Variants in PTPRD observed in about 807,000 individuals in gnomAD.
The protein encoded by PTPRD is protein tyrosine phosphatase receptor type D.
PTPRD carries 34 observed loss-of-function variants against 214.5 expected under a neutral mutation model. The observed-to-expected ratio is 0.16, with a 90% CI of 0.12 to 0.21. The LOEUF is 0.21. Ranked by LOEUF, PTPRD falls within the 10% of genes least tolerant of loss-of-function variation. The pLI is 1.00. For missense variants in PTPRD, 2,545 were observed against 2,398.7 expected, an observed-to-expected ratio of 1.06 and a Z score of -1.27; for synonymous variants, 1,128 against 845.7, an observed-to-expected ratio of 1.33 and a Z score of -5.79.
intron 11 of PTPRD, among the ~76,000 whole-genome samples, chr9:8,994,130 C>T (rs569669014): frequency 2.6e-5 from 4 of 152,218 alleles, no homozygotes; most frequent in African/African-American, 7.2e-5. Context: ...GTTCAATGAA[C>T]TTAAGGATCT....
chr9:9,746,311 T>G (rs578251666), intron 6 of PTPRD, among the ~76,000 whole-genome samples: 2 of 152,206 alleles, frequency 1.3e-5, no homozygotes, highest in Admixed American at 6.5e-5. Context: ...ATTACTAGAT[T>G]GGAAAGTTAC....
intron 14 of PTPRD, among the ~76,000 whole-genome samples, chr9:8,629,016 G>C (rs2096152292): frequency 1.3e-5 from 2 of 151,678 alleles, no homozygotes; most frequent in Non-Finnish European, 2.9e-5. Flanking sequence ...TGCTATTTGA[G>C]AACAGCCCAG....
At chr9:10,581,961 T>A (rs2072017375) in intron 2 of PTPRD, among the ~76,000 whole-genome samples, 1 of 152,172 alleles carries the variant, frequency 6.6e-6, no homozygotes, top group Non-Finnish European at 1.5e-5. Flanking sequence ...AACAATAACC[T>A]AGAATTAAGC....
chr9:9,214,407 C>T (rs1190154782), intron 9 of PTPRD, among the ~76,000 whole-genome samples: 1 of 152,110 alleles, frequency 6.6e-6, no homozygotes, highest in Non-Finnish European at 1.5e-5. Context: ...TGTTTTAGTC[C>T]ACTAACTCGG....
intron 39 of PTPRD, among the ~76,000 whole-genome samples, chr9:8,363,708 G>A (rs2079076191): frequency 6.6e-6 from 1 of 152,188 alleles, no homozygotes. Flanking sequence ...TCCTATTGGG[G>A]CTCAAAAGTT....
At chr9:9,364,397 G>C (rs1011745937) in intron 9 of PTPRD, among the ~76,000 whole-genome samples, 1 of 151,424 alleles carries the variant, frequency 6.6e-6, no homozygotes, top group Non-Finnish European at 1.5e-5. Flanking sequence ...GTCAGATATT[G>C]GTGAGTGTTG....
At chr9:9,860,926 AG>A (rs2062604862) in intron 5 of PTPRD, among the ~76,000 whole-genome samples, 1 of 152,268 alleles carries the variant, frequency 6.6e-6, no homozygotes, top group African/African-American at 2.4e-5. Context: ...GCAACTCTTA[AG>A]AAAAATGCAG....
intron 10 of PTPRD, among the ~76,000 whole-genome samples, chr9:9,064,646 A>G (rs911191721): frequency 6.6e-6 from 1 of 152,214 alleles, no homozygotes; most frequent in African/African-American, 2.4e-5. Flanking sequence ...TTCTTTAAAG[A>G]TGACTGAGAC....
intron 8 of PTPRD, among the ~76,000 whole-genome samples, chr9:9,520,301 TAA>T (rs1162144464): frequency 9.1e-6 from 1 of 110,494 alleles, no homozygotes; most frequent in Non-Finnish European, 2.2e-5. Context: ...ATATATATAT[TAA>T]GTTATATATA....
chr9:9,032,877 T>C (rs2099610081), intron 10 of PTPRD, among the ~76,000 whole-genome samples: 1 of 152,130 alleles, frequency 6.6e-6, no homozygotes, highest in Non-Finnish European at 1.5e-5. Flanking sequence ...ACAAATATCT[T>C]GGCGTCTTCC....
intron 4 of PTPRD, among the ~76,000 whole-genome samples, chr9:9,961,991 AAG>A (rs200248351): frequency 0.017 from 2,650 of 152,300 alleles, 33 homozygotes; most frequent in Middle Eastern, 0.031. Context: ...TAAGGAAAAA[AAG>A]AATTTCATAG....
chr9:9,015,986 G>T (rs2099533427), intron 11 of PTPRD, among the ~76,000 whole-genome samples: 1 of 152,090 alleles, frequency 6.6e-6, no homozygotes, highest in South Asian at 2.1e-4. Flanking sequence ...GAATGCAGAA[G>T]AATTGGGCCT....
intron 8 of PTPRD, among the ~76,000 whole-genome samples, chr9:9,426,678 C>T (rs1036920669): frequency 3.3e-5 from 5 of 152,170 alleles, no homozygotes; most frequent in African/African-American, 1.2e-4. Flanking sequence ...ACTGACACCT[C>T]ATCTGGCTGG....
intron 5 of PTPRD, among the ~76,000 whole-genome samples, chr9:9,855,246 T>TA (rs1565792207): frequency 6.6e-6 from 1 of 152,148 alleles, no homozygotes; most frequent in Non-Finnish European, 1.5e-5. Context: ...GAAGGAAATT[T>TA]AAAAAAGGAA....
At chr9:8,836,071 G>C (rs1348803463) in intron 11 of PTPRD, among the ~76,000 whole-genome samples, 1 of 152,102 alleles carries the variant, frequency 6.6e-6, no homozygotes, top group African/African-American at 2.4e-5. Context: ...ATAAATTTCA[G>C]AGCAACATCG....
intron 3 of PTPRD, among the ~76,000 whole-genome samples, chr9:10,230,494 A>T (rs980235657): frequency 1.4e-5 from 2 of 144,184 alleles, no homozygotes; most frequent in African/African-American, 5.1e-5. Flanking sequence ...CTACCTATCC[A>T]TCTATTATCT....
intron 33 of PTPRD, 120 bp from the exon 34 acceptor site, chr9:8,449,957 A>G: frequency 1.1e-6 from 1 of 938,742 alleles, no homozygotes; most frequent in Non-Finnish European, 1.6e-6. Flanking sequence ...CAACTTTTCA[A>G]CCCAGCTGAC....
At chr9:10,498,105 T>A (rs775094287) in intron 2 of PTPRD, among the ~76,000 whole-genome samples, 18 of 151,996 alleles carry the variant, frequency 1.2e-4, no homozygotes, top group Non-Finnish European at 2.1e-4. Flanking sequence ...ATATTACAAT[T>A]AACATTCAGC....
intron 11 of PTPRD, among the ~76,000 whole-genome samples, chr9:8,851,096 C>T (rs1419806742): frequency 2.0e-5 from 3 of 151,828 alleles, no homozygotes; most frequent in African/African-American, 7.3e-5. Flanking sequence ...CAACTGGCTA[C>T]AGGCACCCAC....
Sources: allele counts gnomAD v4.1 joint callset (sites outside exome capture counted in the v4.1 genomes callset), GRCh38; gene constraint gnomAD v4.1.1; transcripts MANE v1.5; gene names NCBI Gene and HGNC (gene_info 2026-07-23, HGNC 2026-07-21).